TNFRSF10B: variants seen among roughly 807,000 people sequenced by gnomAD.
The protein encoded by TNFRSF10B is tumor necrosis factor receptor superfamily member 10B.
Under a neutral mutation model 41.4 loss-of-function variants are expected in TNFRSF10B, and 35 were observed. The ratio of observed to expected loss-of-function variants is 0.85; its 90% CI spans 0.65 to 1.12. The LOEUF (loss-of-function observed/expected upper bound fraction) is 1.12, where lower values mean the gene tolerates loss of function less well. TNFRSF10B is among the 50% of genes most tolerant of loss of function. The pLI, the probability that TNFRSF10B is intolerant of heterozygous loss-of-function variation, is 0.00. For synonymous variants in TNFRSF10B, 230 were observed against 215.5 expected (o/e 1.07, Z -0.59); for missense variants, 584 against 552.7 (o/e 1.06, Z -0.57).
chr8:23,034,733 C>T (rs1811981896), intron 2 of TNFRSF10B, among the ~76,000 whole-genome samples: 1 of 152,068 alleles, frequency 6.6e-6, no homozygotes, highest in Non-Finnish European at 1.5e-5. Flanking sequence ...CTGTAAAGCA[C>T]AAAAAAACAA....
At chr8:23,068,677 G>C in intron 1 of TNFRSF10B, 74 bp downstream of exon 1, 1 of 1,525,516 alleles carries the variant, frequency 6.6e-7, no homozygotes, top group South Asian at 1.2e-5. Context: ...CCCCCGCCGT[G>C]TCCCCCTCTC....
Position 23,020,324 on chromosome 8 carries a change from G to C in TNFRSF10B, c.*2347C>G, listed in dbSNP as rs1353622602. 1 of 453,928 alleles carries C rather than the reference G, an allele frequency of 2.2e-6. No individual in the cohort carries two copies. The highest frequency in any genetic ancestry group is 4.4e-6 in the Non-Finnish European group (1 of 226,788). The allele number at this position is 453,928 out of a possible 1,614,324, so 28.1% of individuals were successfully genotyped here. ...GCTGTCCTGTGTCACATGCTATTTG[G>C]CCTGGGGATATAGCAAAGCCTAATG... On this transcript the variant is annotated 3_prime_UTR_variant, in exon 9 of 9. Coordinates refer to ENST00000276431, the MANE Select transcript of TNFRSF10B (RefSeq NM_003842.5).
chr8:23,022,729 A>G lies in TNFRSF10B; in HGVS notation c.1265T>C (p.Leu422Ser). The part of the protein sequence containing the change: ...RLAKQKIEDH[L>S]LSSGKFMYLE... ...ATACATGAACTTTCCAGAGCTCAAC[A>G]AGTGGTCCTCAATCTTCTGCTTGGC... The change falls in exon 9 of 9, where the codon TTG (leucine) becomes TCG (serine). Residue 422 changes from leucine (L) to serine (S), a missense_variant. Physicochemically the swap from Leu to Ser is moderately radical, Grantham distance 145. Transcript: ENST00000276431. 6.2e-7 allele frequency: 1 copy of G among 1,614,036 alleles called. No homozygotes were observed.
intron 3 of TNFRSF10B, 133 bp downstream of exon 3, chr8:23,030,626 C>T (rs2128812420): frequency 1.4e-6 from 1 of 711,844 alleles, no homozygotes; most frequent in South Asian, 1.5e-5. Flanking sequence ...AGCTCAAAGA[C>T]AAAATCATGG....
intron 2 of TNFRSF10B, among the ~76,000 whole-genome samples, chr8:23,042,052 G>T (rs2128815494): frequency 6.6e-6 from 1 of 152,310 alleles, no homozygotes; most frequent in East Asian, 1.9e-4. Flanking sequence ...CTGAGCAGTT[G>T]AATTTGGTGC....
chr8:23,031,582 A>G (rs1445809144), intron 2 of TNFRSF10B, among the ~76,000 whole-genome samples: 3 of 151,512 alleles, frequency 2.0e-5, no homozygotes, highest in Non-Finnish European at 4.4e-5. Flanking sequence ...TTTTGTAGAG[A>G]CGAGGTTTCA....
Position 23,069,003 on chromosome 8 carries a change from G to C in TNFRSF10B, c.-109C>G, listed in dbSNP as rs758607085. ...GGGCGCAGAGATTGCGGGGTTCTCC[G>C]GCCGCGTGCTGATTTATGTGTCCAG... On this transcript the variant is annotated 5_prime_UTR_variant, in exon 1 of 9. Coordinates refer to ENST00000276431, the MANE Select transcript of TNFRSF10B (RefSeq NM_003842.5). 2 of 1,558,800 alleles carry C rather than the reference G, an allele frequency of 1.3e-6. No individual in the cohort carries two copies. The highest frequency in any genetic ancestry group is 8.7e-7 in the Non-Finnish European group (1 of 1,143,248).
chr8:23,068,458 T>C (rs1011460363), intron 1 of TNFRSF10B: 1 of 522,934 alleles, frequency 1.9e-6, no homozygotes, highest in Admixed American at 3.5e-5. Context: ...CGACGACCTC[T>C]CCGTGGCTTC....
chr8:23,033,025 CAGGAACCATAGAGCCCAGA>C (rs1446785722), intron 2 of TNFRSF10B, among the ~76,000 whole-genome samples: 6 of 152,142 alleles, frequency 3.9e-5, no homozygotes, highest in Non-Finnish European at 8.8e-5. Flanking sequence ...AATTTCTCAC[CAGGAACCATAGAGCCCAGA>C]AGGGAGTGGG....
At chr8:23,041,517 G>A (rs1812201027) in intron 2 of TNFRSF10B, among the ~76,000 whole-genome samples, 1 of 150,394 alleles carries the variant, frequency 6.6e-6, no homozygotes, top group Non-Finnish European at 1.5e-5. Flanking sequence ...GGGCAACAGA[G>A]TGAAATCCTA....
Position 23,022,036 on chromosome 8 carries a change from AC to A in TNFRSF10B, c.*634del, listed in dbSNP as rs1167779687. The A allele has an allele frequency of 6.7e-6, 3 of 449,188 alleles. No homozygotes were observed. Among genetic ancestry groups the A allele is most frequent in the Non-Finnish European group, 8.9e-6 (2 of 223,572 alleles). 27.8% of individuals were successfully genotyped at this position (449,188 alleles called of 1,614,324 possible). A position where few individuals can be genotyped will look rare whatever the true frequency, so the allele number is the denominator to read the frequency against. On this transcript the variant is annotated 3_prime_UTR_variant, in exon 9 of 9. Coordinates refer to ENST00000276431, the MANE Select transcript of TNFRSF10B (RefSeq NM_003842.5). ...CGCTTTGGGAGTCTGAGGTGGGCAG[AC>A]TGCTTGAGTCCAGGAATTCGAGACC...
intron 3 of TNFRSF10B, among the ~76,000 whole-genome samples, chr8:23,030,459 C>T (rs576334855): frequency 2.0e-5 from 3 of 152,090 alleles, no homozygotes; most frequent in East Asian, 1.9e-4. Flanking sequence ...AATACAGGCA[C>T]GCGCCACCAT....
At chr8:23,060,157 GTTTAT>G (rs1199957034) in intron 1 of TNFRSF10B, among the ~76,000 whole-genome samples, 1 of 148,902 alleles carries the variant, frequency 6.7e-6, no homozygotes. Context: ...AGTCCAAAAT[GTTTAT>G]TTTTTCTTTT....
At chr8:23,057,097 T>A (rs1047816444) in intron 1 of TNFRSF10B, among the ~76,000 whole-genome samples, 5 of 147,472 alleles carry the variant, frequency 3.4e-5, no homozygotes, top group Non-Finnish European at 5.9e-5. Context: ...TGGAGTGCAG[T>A]GGTGCAATCT....
chr8:23,060,654 T>C (rs1812806495), intron 1 of TNFRSF10B, among the ~76,000 whole-genome samples: 1 of 152,236 alleles, frequency 6.6e-6, no homozygotes, highest in Non-Finnish European at 1.5e-5. Context: ...AATTTTAGGA[T>C]ACATTTTTTC....
At chr8:23,068,415 C>CAAGAA in intron 1 of TNFRSF10B, 1 of 412,848 alleles carries the variant, frequency 2.4e-6, no homozygotes, top group African/African-American at 2.1e-5. Context: ...GAGAAAGAAA[C>CAAGAA]AGAAAGTAAG....
At chr8:23,054,794 G>A (rs1812614134) in intron 1 of TNFRSF10B, among the ~76,000 whole-genome samples, 2 of 152,168 alleles carry the variant, frequency 1.3e-5, no homozygotes, top group South Asian at 4.1e-4. Flanking sequence ...ATCCATGGTT[G>A]GGCTCGGCTT....
chr8:23,028,297 G>C (rs1192935883), intron 5 of TNFRSF10B, 34 bp downstream of exon 5: 1 of 1,612,672 alleles, frequency 6.2e-7, no homozygotes, highest in African/African-American at 1.3e-5. Context: ...AGGGCAGAGA[G>C]TGCCCTGTGC....
chr8:23,040,733 G>A lies in TNFRSF10B; in HGVS notation c.250+2405C>T, dbSNP rs546451270. 3.3e-5 allele frequency among the ~76,000 whole-genome samples: 5 copies of A among 151,782 alleles called. No homozygotes were observed. The East Asian group carries it at 7.7e-4, about 23-fold the overall frequency. On this transcript the variant is annotated intron_variant, in intron 2 of 8. Coordinates refer to ENST00000276431, the MANE Select transcript of TNFRSF10B (RefSeq NM_003842.5). ...AGTGGCAGAATGAGTAAAAACAAAC[G>A]CAAAAAATAGACCATAATCACCTAT...
Sources: allele counts gnomAD v4.1 joint callset (sites outside exome capture counted in the v4.1 genomes callset), GRCh38; gene constraint gnomAD v4.1.1; transcripts MANE v1.5; gene names NCBI Gene and HGNC (gene_info 2026-07-23, HGNC 2026-07-21).